The following CABIN1 variants were observed in gnomAD, a reference collection of about 807,000 sequenced individuals.
The protein encoded by CABIN1 is calcineurin binding protein 1, also known as calcineurin-binding protein cabin-1.
Under a neutral mutation model 227.7 loss-of-function variants are expected in CABIN1, and 133 were observed. The observed-to-expected ratio is 0.58, with a 90% CI of 0.51 to 0.67. The LOEUF (loss-of-function observed/expected upper bound fraction) is 0.67. Among genes scored for constraint, CABIN1 ranks in the 30% least tolerant of loss-of-function variants. The pLI, the probability that CABIN1 is intolerant of heterozygous loss-of-function variation, is 0.00. For missense variants in CABIN1, 2,408 were observed against 2,852.5 expected (o/e 0.84, Z 3.55); for synonymous variants, 1,086 against 1,155.1 (o/e 0.94, Z 1.21).
At chr22:24,154,856 G>A (rs2045688369) in intron 29 of CABIN1, among the ~76,000 whole-genome samples, 1 of 152,206 alleles carries the variant, frequency 6.6e-6, no homozygotes, top group African/African-American at 2.4e-5. Context: ...CCCAGGGGTA[G>A]GCCAGGTGGA....
intron 8 of CABIN1, among the ~76,000 whole-genome samples, chr22:24,054,441 C>T (rs1313796483): frequency 1.3e-5 from 2 of 152,248 alleles, no homozygotes; most frequent in Non-Finnish European, 2.9e-5. Flanking sequence ...TAGACCATGT[C>T]CCTGTTGGCA....
At chr22:24,024,155 TG>T (rs2035918220) in intron 1 of CABIN1, among the ~76,000 whole-genome samples, 1 of 152,198 alleles carries the variant, frequency 6.6e-6, no homozygotes, top group African/African-American at 2.4e-5. Context: ...TTCCATTGTG[TG>T]TGTTGTCTTT....
chr22:24,157,333 C>T (rs1400230028), intron 29 of CABIN1, among the ~76,000 whole-genome samples: 2 of 152,170 alleles, frequency 1.3e-5, no homozygotes, highest in African/African-American at 4.8e-5. Flanking sequence ...AGTCCTGCCT[C>T]TAAAGGCTTC....
chr22:24,172,558 G>T (rs149566871), intron 34 of CABIN1, among the ~76,000 whole-genome samples: 1 of 152,318 alleles, frequency 6.6e-6, no homozygotes, highest in South Asian at 2.1e-4. Flanking sequence ...GCAGGGGCAG[G>T]TCAGGGGGCT....
chr22:24,145,676 G>T (rs554294628), intron 29 of CABIN1, among the ~76,000 whole-genome samples: 1 of 152,314 alleles, frequency 6.6e-6, no homozygotes, highest in African/African-American at 2.4e-5. Flanking sequence ...GCATGCATAT[G>T]TCTGTCCTCC....
rs2047231364 is a variant in CABIN1 at position 24,178,301 on chromosome 22, C to T, written c.*105C>T. On this transcript the variant is annotated 3_prime_UTR_variant, in exon 37 of 37. Coordinates refer to ENST00000263119, the MANE Select transcript of CABIN1 (RefSeq NM_012295.4). ...ACCAGAGGCCCACATGGATGCCACT[C>T]CCCACACAGCCCCCAGGCCTGCCCA... 3 of 1,406,688 alleles carry T rather than the reference C, an allele frequency of 2.1e-6. No homozygotes were observed. Among genetic ancestry groups the T allele is most frequent in the Non-Finnish European group, 2.9e-6 (3 of 1,024,078 alleles). 87.1% of individuals were successfully genotyped at this position (1,406,688 alleles called of 1,614,324 possible).
chr22:24,045,818 G>A (rs547866528), intron 6 of CABIN1, among the ~76,000 whole-genome samples: 22 of 152,308 alleles, frequency 1.4e-4, no homozygotes, highest in Non-Finnish European at 2.9e-4. Flanking sequence ...GAACAGGATA[G>A]AATGTGTTGA....
intron 29 of CABIN1, among the ~76,000 whole-genome samples, chr22:24,136,859 C>T (rs1469363406): frequency 6.6e-6 from 1 of 151,980 alleles, no homozygotes; most frequent in Non-Finnish European, 1.5e-5. Flanking sequence ...CCTTCATGTT[C>T]ATTTTCTAGT....
intron 28 of CABIN1, among the ~76,000 whole-genome samples, chr22:24,119,927 A>G (rs2043303790): frequency 6.6e-6 from 1 of 152,160 alleles, no homozygotes; most frequent in South Asian, 2.1e-4. Flanking sequence ...GGAGGAGTGT[A>G]GGGGGTCTCA....
rs556378731 is a variant in CABIN1 at position 24,092,592 on chromosome 22, T to A, written c.3786+749T>A. ...TTTCTGAGGCTATGTGCCCAGTCTC[T>A]ACCAGTCTCACGTGCCCAGCAAGCC... On this transcript the variant is annotated intron_variant, in intron 24 of 36. Transcript: ENST00000263119. Among the ~76,000 whole-genome samples the A allele has an allele frequency of 5.9e-5, 9 of 152,270 alleles. No individual in the cohort carries two copies. In the East Asian group the frequency reaches 1.7e-3, roughly 29 times the overall value.
intron 17 of CABIN1, among the ~76,000 whole-genome samples, chr22:24,071,642 T>TG (rs1438846409): frequency 6.6e-6 from 1 of 152,180 alleles, no homozygotes; most frequent in Non-Finnish European, 1.5e-5. Context: ...GCAGCACACT[T>TG]GCCACAGTCT....
intron 28 of CABIN1, among the ~76,000 whole-genome samples, chr22:24,124,860 AG>A (rs1177338353): frequency 1.3e-5 from 2 of 152,132 alleles, no homozygotes; most frequent in Admixed American, 6.5e-5. Flanking sequence ...TTCAAGGCAG[AG>A]GGGGTTGGTT....
In CABIN1 at chr22:24,083,431, G is replaced by A. The variant is rs145068328; in HGVS notation, c.2910+42G>A. 203 of 1,609,272 alleles carry A rather than the reference G, an allele frequency of 1.3e-4. 2 individuals carry two copies. The African/African-American group carries it at 2.3e-3, about 18-fold the overall frequency. Reference sequence around the variant, plus strand: ...AGGCCCAACAAAGAGGGAAGCAGGAGCTGTAAGCTCTTTTGAAGGATGTCA... The same window carrying A: ...AGGCCCAACAAAGAGGGAAGCAGGAACTGTAAGCTCTTTTGAAGGATGTCA... On this transcript the variant is annotated intron_variant, in intron 20 of 36. Transcript: ENST00000263119.
At chr22:24,015,109 C>CA (rs1448147524) in intron 1 of CABIN1, among the ~76,000 whole-genome samples, 1 of 151,076 alleles carries the variant, frequency 6.6e-6, no homozygotes, top group Non-Finnish European at 1.5e-5. Flanking sequence ...ACTAAAAATA[C>CA]AAAAAAATTA....
At chr22:24,133,542 T>C (rs1212991404) in intron 28 of CABIN1, among the ~76,000 whole-genome samples, 1 of 151,910 alleles carries the variant, frequency 6.6e-6, no homozygotes. Context: ...GTGGAAAGGG[T>C]AGAGGGTCTG....
chr22:24,070,369 T>G (rs1005778902), intron 16 of CABIN1, among the ~76,000 whole-genome samples: 1 of 152,224 alleles, frequency 6.6e-6, no homozygotes, highest in Non-Finnish European at 1.5e-5. Context: ...GCTCAGGCCC[T>G]CCTCCGCTGA....
intron 29 of CABIN1, 90 bp downstream of exon 29, chr22:24,134,505 C>T (rs1247102527): frequency 1.9e-6 from 2 of 1,067,764 alleles, no homozygotes; most frequent in Non-Finnish European, 2.8e-6. Flanking sequence ...GGTGGGTGTT[C>T]CCAGGGCCTC....
intron 27 of CABIN1, among the ~76,000 whole-genome samples, chr22:24,114,922 ATG>A (rs2043001265): frequency 1.3e-5 from 2 of 152,202 alleles, no homozygotes; most frequent in Non-Finnish European, 2.9e-5. Context: ...AGGACTTACT[ATG>A]TGGATTTACT....
At chr22:24,125,864 T>A (rs2043691483) in intron 28 of CABIN1, among the ~76,000 whole-genome samples, 1 of 152,226 alleles carries the variant, frequency 6.6e-6, no homozygotes, top group African/African-American at 2.4e-5. Context: ...TTTCAGTCTG[T>A]CTGCCTCATG....
Sources: gnomAD v4.1 joint callset for allele counts (sites outside exome capture counted in the v4.1 genomes callset) on GRCh38, gnomAD v4.1.1 for gene constraint, MANE v1.5 for transcripts, NCBI Gene and HGNC (gene_info 2026-07-23, HGNC 2026-07-21) for gene names.